Variants in SHOX2 observed in about 807,000 individuals in gnomAD.
SHOX2 encodes SHOX homeobox 2, also known as short stature homeobox protein 2.
Under a neutral mutation model 31.3 loss-of-function variants are expected in SHOX2, and 13 were observed. The ratio of observed to expected loss-of-function variants is 0.42; its 90% CI spans 0.27 to 0.66. SHOX2 has a LOEUF of 0.66. Among genes scored for constraint, SHOX2 ranks in the 30% least tolerant of loss-of-function variants. The probability of loss-of-function intolerance (pLI) is 0.27; values close to 1 mark genes in which losing one functional copy is unlikely to be tolerated. For missense variants in SHOX2, 473 were observed against 443.0 expected (o/e 1.07, Z -0.61); for synonymous variants, 244 against 196.2 (o/e 1.24, Z -2.04).
intron 1 of SHOX2, chr3:158,105,384 TC>T: frequency 1.7e-6 from 1 of 581,408 alleles, no homozygotes; most frequent in Non-Finnish European, 3.1e-6. Flanking sequence ...TGCGGGCCCA[TC>T]CTCCCGCTGG....
Position 158,100,329 on chromosome 3 carries a change from A to G in SHOX2, c.556-18T>C, listed in dbSNP as rs199966342. 335 of 1,545,816 alleles carry G rather than the reference A, an allele frequency of 2.2e-4. 1 individual carries two copies. The East Asian group carries it at 5.6e-3, about 26-fold the overall frequency. ...AACCAAACCTATAGGTTGGAGGGGG[A>G]AAAAAAATAAAACCTAGATGTTATG... On this transcript the variant is annotated intron_variant, in intron 2 of 4. Coordinates refer to ENST00000483851, the MANE Select transcript of SHOX2 (RefSeq NM_001163678.2).
chr3:158,105,788 T>G lies in SHOX2; in HGVS notation c.237A>C (p.Gly79=). 1 of 1,494,780 alleles carries G rather than the reference T, an allele frequency of 6.7e-7. No individual in the cohort carries two copies. Among genetic ancestry groups the G allele is most frequent in the Non-Finnish European group, 8.9e-7 (1 of 1,125,196 alleles). 92.6% of individuals were successfully genotyped at this position (1,494,780 alleles called of 1,614,324 possible). The change falls in exon 1 of 5, where the codon GGA becomes GGC. Residue 79 remains glycine, a synonymous_variant. Coordinates refer to ENST00000483851, the MANE Select transcript of SHOX2 (RefSeq NM_001163678.2). ...CAGCTCCTCCGCCTGCTCCTCCTCC[T>G]CCTACACCTCCTCCGCCTCCTCCGC... ...GGGGGGGGGV[G]GGGAGGGAGG... is the part of the protein sequence containing the mutation.
intron 2 of SHOX2, 89 bp from the exon 3 acceptor site, chr3:158,100,400 G>A (rs568217478): frequency 1.2e-4 from 110 of 954,250 alleles, no homozygotes; most frequent in Non-Finnish European, 1.6e-4. Flanking sequence ...GAAAAGAGTC[G>A]TGGTTTAGAC....
intron 1 of SHOX2, 92 bp from the exon 2 acceptor site, chr3:158,102,978 C>T: frequency 8.4e-7 from 1 of 1,194,800 alleles, no homozygotes; most frequent in East Asian, 2.3e-5. Context: ...CACAGCAAAT[C>T]CTGTTACCAG....
chr3:158,105,338 C>G lies in SHOX2; in HGVS notation c.346+341G>C. Reference sequence around the variant, plus strand: ...AGCACCCCCTCCTGCAGCCCGGCCCCGCGAACTTCCACGTCCGCCTGCGGG... The same window carrying G: ...AGCACCCCCTCCTGCAGCCCGGCCCGGCGAACTTCCACGTCCGCCTGCGGG... On this transcript the variant is annotated intron_variant, in intron 1 of 4. Coordinates refer to ENST00000483851, the MANE Select transcript of SHOX2 (RefSeq NM_001163678.2). 5.1e-6 allele frequency: 3 copies of G among 590,642 alleles called. No homozygotes were observed. In the South Asian group the frequency reaches 6.1e-5, roughly 12 times the overall value. 36.6% of individuals were successfully genotyped at this position (590,642 alleles called of 1,614,324 possible).
chr3:158,097,948 A>C lies in SHOX2; in HGVS notation c.*79T>G. ...CCGGCTCCCGAGGTCTCAAAGGGGT[A>C]ACGGAGAAGCAGCGGGGCGCGGAGG... On this transcript the variant is annotated 3_prime_UTR_variant, in exon 5 of 5. Transcript: ENST00000483851. 1 of 1,517,130 alleles carries C rather than the reference A, an allele frequency of 6.6e-7. No individual in the cohort carries two copies. Among genetic ancestry groups the C allele is most frequent in the Non-Finnish European group, 8.8e-7 (1 of 1,130,134 alleles). The allele number at this position is 1,517,130 out of a possible 1,614,324, so 94.0% of individuals were successfully genotyped here.
At position 158,105,803 on chromosome 3, in the gene SHOX2, G is replaced by A. The variant is rs747236738; in HGVS notation, c.222C>T (p.Gly74=). 178 of 1,438,916 alleles carry A rather than the reference G, an allele frequency of 1.2e-4. No homozygotes were observed. The highest frequency in any genetic ancestry group is 5.8e-4 in the African/African-American group (39 of 67,186). The allele number at this position is 1,438,916 out of a possible 1,614,324, so 89.1% of individuals were successfully genotyped here. A position where few individuals can be genotyped will look rare whatever the true frequency, so the allele number is the denominator to read the frequency against. ...GGGGGGGGGG[G]GGGVGGGGAG... is the part of the protein sequence containing the mutation. ...CTCCTCCTCCTCCTACACCTCCTCC[G>A]CCTCCTCCGCCGCCGCCTCCGCCTC... The change falls in exon 1 of 5, where the codon GGC becomes GGT. Residue 74 remains glycine, a synonymous_variant. Coordinates refer to ENST00000483851, the MANE Select transcript of SHOX2 (RefSeq NM_001163678.2).
chr3:158,104,924 C>T (rs975735984), intron 1 of SHOX2: 3 of 649,938 alleles, frequency 4.6e-6, no homozygotes, highest in Non-Finnish European at 8.2e-6. Flanking sequence ...AAAGACGTTT[C>T]CTAACACTGA....
rs1713211513 is a variant in SHOX2 at position 158,097,754 on chromosome 3, C to T, written c.*273G>A. 2.0e-6 allele frequency: 1 copy of T among 507,214 alleles called. No homozygotes were observed. The highest frequency in any genetic ancestry group is 3.4e-5 in the East Asian group (1 of 29,020). 31.4% of individuals were successfully genotyped at this position (507,214 alleles called of 1,614,324 possible). On this transcript the variant is annotated 3_prime_UTR_variant, in exon 5 of 5. Transcript: ENST00000483851. ...CCCCTGTCCAGTCTCTCTCCAGACT[C>T]CCCCAAACCCGCTCCTACAAAACCC...
At chr3:158,104,027 A>T (rs1297167252) in intron 1 of SHOX2, 2 of 152,174 alleles carry the variant, frequency 1.3e-5, no homozygotes, top group Non-Finnish European at 2.9e-5. Flanking sequence ...CGAATCAGAG[A>T]CTCCGGGTTT....
In SHOX2 at chr3:158,103,052, C is replaced by G. The variant is rs1578078417; in HGVS notation, c.347-166G>C. ...TGGAATCCTGGTCCGGCTTCTCAACCCACCCGGAGGAAGAATATCCCGGAG... is the reference window on the plus strand; with the variant it reads ...TGGAATCCTGGTCCGGCTTCTCAACGCACCCGGAGGAAGAATATCCCGGAG... On this transcript the variant is annotated intron_variant, in intron 1 of 4. Transcript: ENST00000483851. 1.4e-5 allele frequency: 10 copies of G among 702,706 alleles called. No homozygotes were observed. In the South Asian group the frequency reaches 1.6e-4, roughly 11 times the overall value. The allele number at this position is 702,706 out of a possible 1,614,324, so 43.5% of individuals were successfully genotyped here.
At chr3:158,101,189 C>T (rs1713464726) in intron 2 of SHOX2, among the ~76,000 whole-genome samples, 1 of 152,170 alleles carries the variant, frequency 6.6e-6, no homozygotes, top group Non-Finnish European at 1.5e-5. Flanking sequence ...TTGATTGACT[C>T]ACAAATTAAA....
chr3:158,096,867 C>A lies in SHOX2; in HGVS notation c.*1160G>T, dbSNP rs1713115317. ...CCCTTTCTGACTTTTTTCTTTTGTT[C>A]CCCAGGATCAAAGACAGGGCAAATA... is the stretch of plus-strand genomic sequence containing the variant. On this transcript the variant is annotated 3_prime_UTR_variant, in exon 5 of 5. Coordinates refer to ENST00000483851, the MANE Select transcript of SHOX2 (RefSeq NM_001163678.2). 9.0e-6 allele frequency: 1 copy of A among 110,982 alleles called. No homozygotes were observed. Among genetic ancestry groups the A allele is most frequent in the African/African-American group, 3.6e-5 (1 of 28,144 alleles). 6.9% of individuals were successfully genotyped at this position (110,982 alleles called of 1,614,324 possible).
chr3:158,106,010 C>T lies in SHOX2; in HGVS notation c.15G>A (p.Thr5=), dbSNP rs868566969. 1 of 1,613,040 alleles carries T rather than the reference C, an allele frequency of 6.2e-7. No individual in the cohort carries two copies. Among genetic ancestry groups the T allele is most frequent in the South Asian group, 1.1e-5 (1 of 91,082 alleles). ...GGTCAAAAGACTTGGAGACGAACGC[C>T]GTAAGTTCTTCCATCGCCGCCGCAC... is the stretch of plus-strand genomic sequence containing the variant. The part of the protein sequence containing the change: MEEL[T]AFVSKSFDQK... Residue 5 remains threonine (T), a synonymous_variant, in exon 1 of 5, where the codon ACG becomes ACA. Transcript: ENST00000483851.
rs1140219 is a variant in SHOX2, at chr3:158,102,858, C to T, written c.375G>A (p.Glu125=). The T allele has an allele frequency of 4.0e-5, 65 of 1,614,074 alleles. No individual in the cohort carries two copies. Among genetic ancestry groups the T allele is most frequent in the Middle Eastern group, 1.6e-4 (1 of 6,062 alleles). ...CTTCGTCCTCCATCCCTTTCGCATC[C>T]TCTTTGCGATCTTTCAGCTCCGGGG... ...EVSPELKDRK[E]DAKGMEDEGQ... Residue 125 remains glutamate, a synonymous_variant, in exon 2 of 5, where the codon GAG becomes GAA. Coordinates refer to ENST00000483851, the MANE Select transcript of SHOX2 (RefSeq NM_001163678.2).
intron 4 of SHOX2, 152 bp from the exon 5 acceptor site, chr3:158,098,436 C>T (rs1713275444): frequency 1.1e-6 from 1 of 905,854 alleles, no homozygotes; most frequent in Non-Finnish European, 1.7e-6. Flanking sequence ...CTTGTTCCGA[C>T]AGTGACCTTC....
rs767744031 is a variant in SHOX2, at chr3:158,098,051, C to T, written c.936G>A (p.Lys312=). 3 of 1,607,412 alleles carry T rather than the reference C, an allele frequency of 1.9e-6. No homozygotes were observed. Among genetic ancestry groups the T allele is most frequent in the East Asian group, 4.5e-5 (2 of 44,742 alleles). Residue 312 remains lysine, a synonymous_variant, in exon 5 of 5, where the codon AAG becomes AAA. Transcript: ENST00000483851. ...GTCACAGACCCAGGGCTGCGGCGTG[C>T]TTTTTGGCTTTCAGTCTGAGATCGG... ...SIADLRLKAK[K]HAAALGL
At chr3:158,099,719 G>A (rs1181829920) in intron 4 of SHOX2, 141 bp downstream of exon 4, 1 of 676,674 alleles carries the variant, frequency 1.5e-6, no homozygotes, top group Non-Finnish European at 2.6e-6. Context: ...AGGGTAGTGG[G>A]TCCACTATAT....
rs566034729 is a variant in SHOX2 at position 158,096,288 on chromosome 3, T to C, written c.*1739A>G. 3 of 151,124 alleles carry C rather than the reference T, an allele frequency of 2.0e-5. No homozygotes were observed. The highest frequency in any genetic ancestry group is 2.9e-5 in the Non-Finnish European group (2 of 67,804). The allele number at this position is 151,124 out of a possible 1,614,324, so 9.4% of individuals were successfully genotyped here. ...TTCCTCTTTCTTGTAAATTAGAAGGTAAAACAAAAACAAAAACAAAACCCC... is the reference window on the plus strand; with the variant it reads ...TTCCTCTTTCTTGTAAATTAGAAGGCAAAACAAAAACAAAAACAAAACCCC... On this transcript the variant is annotated 3_prime_UTR_variant, in exon 5 of 5. Coordinates refer to ENST00000483851, the MANE Select transcript of SHOX2 (RefSeq NM_001163678.2).
Sources: gnomAD v4.1 joint callset for allele counts (sites outside exome capture counted in the v4.1 genomes callset) on GRCh38, gnomAD v4.1.1 for gene constraint, MANE v1.5 for transcripts, NCBI Gene and HGNC (gene_info 2026-07-23, HGNC 2026-07-21) for gene names.